RPA3: variants seen among roughly 807,000 people sequenced by gnomAD.
RPA3 encodes the protein replication protein A3.
In RPA3, 24 loss-of-function variants were observed where a neutral mutation model predicts 13.7. The ratio of observed to expected loss-of-function variants is 1.75; its 90% CI spans 1.27 to 2.46. The LOEUF is 2.46. Ranked by LOEUF, RPA3 falls within the 30% of genes most tolerant of loss-of-function variation. The probability of loss-of-function intolerance (pLI) is 0.00; values close to 1 mark genes in which losing one functional copy is unlikely to be tolerated. For missense variants in RPA3, 183 were observed against 151.0 expected (o/e 1.21, Z -1.11); for synonymous variants, 59 against 51.2 (o/e 1.15, Z -0.65).
At chr7:7,638,242 C>A in intron 6 of RPA3, 1 of 311,508 alleles carries the variant, frequency 3.2e-6, no homozygotes. Context: ...AAACGTCCAG[C>A]ATTTCTATAA....
intron 4 of RPA3, among the ~76,000 whole-genome samples, chr7:7,684,585 G>A (rs139902627): frequency 5.3e-5 from 8 of 152,212 alleles, no homozygotes; most frequent in African/African-American, 1.9e-4. Flanking sequence ...TCATGGATAC[G>A]GAGGGCTGAC....
At chr7:7,706,290 T>G (rs1780597346) in intron 2 of RPA3, among the ~76,000 whole-genome samples, 1 of 152,136 alleles carries the variant, frequency 6.6e-6, no homozygotes, top group Non-Finnish European at 1.5e-5. Context: ...GTACAGATTT[T>G]GGGAAAATCT....
At chr7:7,710,596 G>T (rs990174322) in intron 2 of RPA3, among the ~76,000 whole-genome samples, 9 of 152,168 alleles carry the variant, frequency 5.9e-5, no homozygotes, top group African/African-American at 2.2e-4. Context: ...ATCACTTATT[G>T]ATGATAGGAA....
chr7:7,659,399 G>T (rs1356012516), intron 4 of RPA3, among the ~76,000 whole-genome samples: 1 of 151,822 alleles, frequency 6.6e-6, no homozygotes, highest in African/African-American at 2.4e-5. Context: ...ATGACGTTAG[G>T]GTGTCGATTT....
intron 2 of RPA3, among the ~76,000 whole-genome samples, chr7:7,697,887 A>G (rs894629905): frequency 3.3e-5 from 5 of 152,128 alleles, no homozygotes; most frequent in African/African-American, 1.2e-4. Flanking sequence ...TGAGACCAGA[A>G]GTGTTTTCAG....
intron 4 of RPA3, among the ~76,000 whole-genome samples, chr7:7,656,622 C>T (rs1422699775): frequency 2.0e-5 from 3 of 152,162 alleles, no homozygotes. Context: ...CAGCTTCATC[C>T]ATGTCCCTGC....
chr7:7,636,848 A>C lies in RPA3; in HGVS notation c.*152T>G, dbSNP rs540161036. On this transcript the variant is annotated 3_prime_UTR_variant, in exon 8 of 8. Transcript: ENST00000223129. Reference sequence around the variant, plus strand: ...AAGGACTTCGGTGAGAACTGTCAATATATCAGTTCCATCAAAAACTCTAGG... The same window carrying C: ...AAGGACTTCGGTGAGAACTGTCAATCTATCAGTTCCATCAAAAACTCTAGG... The C allele has an allele frequency of 9.4e-6, 6 of 636,500 alleles. No homozygotes were observed. The highest frequency in any genetic ancestry group is 1.9e-5 in the African/African-American group (1 of 53,776). The allele number at this position is 636,500 out of a possible 1,614,324, so 39.4% of individuals were successfully genotyped here.
intron 4 of RPA3, among the ~76,000 whole-genome samples, chr7:7,676,389 A>G (rs1307876406): frequency 6.6e-6 from 1 of 152,224 alleles, no homozygotes; most frequent in Non-Finnish European, 1.5e-5. Context: ...AATGTTTCCA[A>G]GTTTCTCCAG....
At chr7:7,695,714 T>A (rs1780297500) in intron 2 of RPA3, among the ~76,000 whole-genome samples, 1 of 152,220 alleles carries the variant, frequency 6.6e-6, no homozygotes. Context: ...CCTCAACAAC[T>A]TGTGTCCTAT....
chr7:7,690,512 A>G (rs1396280948), intron 2 of RPA3, among the ~76,000 whole-genome samples: 1 of 152,162 alleles, frequency 6.6e-6, no homozygotes. Flanking sequence ...TTACTTTTTT[A>G]TTATAAATTG....
chr7:7,708,352 TG>T (rs1376447175), intron 2 of RPA3, among the ~76,000 whole-genome samples: 1 of 152,204 alleles, frequency 6.6e-6, no homozygotes, highest in Non-Finnish European at 1.5e-5. Flanking sequence ...ACAAAATTAT[TG>T]ATTGCTCAGC....
At chr7:7,707,744 AG>A (rs1418113095) in intron 2 of RPA3, among the ~76,000 whole-genome samples, 2 of 152,202 alleles carry the variant, frequency 1.3e-5, no homozygotes, top group African/African-American at 2.4e-5. Flanking sequence ...AAATCGGCCA[AG>A]GTATCTTTGG....
At chr7:7,665,828 T>C (rs1352402784) in intron 4 of RPA3, among the ~76,000 whole-genome samples, 4 of 152,152 alleles carry the variant, frequency 2.6e-5, no homozygotes, top group Non-Finnish European at 5.9e-5. Flanking sequence ...CATCAGCTTT[T>C]TTTTTTTTTG....
In RPA3 at chr7:7,659,740, A is replaced by G. The variant is rs181604525; in HGVS notation, c.-757-18565T>C. Among the ~76,000 whole-genome samples the G allele has an allele frequency of 7.5e-4, 114 of 152,290 alleles. 2 individuals carry two copies. The highest frequency in any genetic ancestry group is 1.8e-3 in the Admixed American group (28 of 15,288). ...TTCCAATTATGTGGTCAATTTTAGAATAAGTATGATGTGGTGCTGAGAAGA... is the reference window on the plus strand; with the variant it reads ...TTCCAATTATGTGGTCAATTTTAGAGTAAGTATGATGTGGTGCTGAGAAGA... On this transcript the variant is annotated intron_variant, in intron 4 of 7. Transcript: ENST00000223129.
intron 4 of RPA3, among the ~76,000 whole-genome samples, chr7:7,682,748 A>C (rs1472076106): frequency 1.3e-5 from 2 of 152,244 alleles, no homozygotes; most frequent in African/African-American, 4.8e-5. Flanking sequence ...GTATCGGGAT[A>C]TCCAGAAAAA....
chr7:7,677,667 T>G (rs1430333275), intron 4 of RPA3, among the ~76,000 whole-genome samples: 5 of 5,152 alleles, frequency 9.7e-4, no homozygotes, highest in Non-Finnish European at 2.9e-3. Context: ...TTTTTTTGTT[T>G]TTTTTTTTTT....
At chr7:7,686,528 T>C (rs1780044903) in intron 3 of RPA3, among the ~76,000 whole-genome samples, 1 of 152,224 alleles carries the variant, frequency 6.6e-6, no homozygotes, top group African/African-American at 2.4e-5. Context: ...TGCAGCATCA[T>C]GTCCTGAATG....
intron 4 of RPA3, among the ~76,000 whole-genome samples, chr7:7,661,575 T>C (rs1447977039): frequency 6.6e-6 from 1 of 152,144 alleles, no homozygotes; most frequent in Non-Finnish European, 1.5e-5. Flanking sequence ...GTGCTGCAGG[T>C]CTGCTGAAGT....
intron 2 of RPA3, among the ~76,000 whole-genome samples, chr7:7,692,179 G>A (rs868699310): frequency 2.0e-5 from 3 of 152,126 alleles, no homozygotes; most frequent in Non-Finnish European, 4.4e-5. Context: ...ACTCTGGAAA[G>A]CAGCTAGTCA....
Sources: allele counts gnomAD v4.1 joint callset (sites outside exome capture counted in the v4.1 genomes callset), GRCh38; gene constraint gnomAD v4.1.1; transcripts MANE v1.5; gene names NCBI Gene and HGNC (gene_info 2026-07-23, HGNC 2026-07-21).